The following MRTFB variants were observed in gnomAD, a reference collection of about 807,000 sequenced individuals.
MRTFB encodes the protein myocardin-related transcription factor B.
MRTFB carries 29 observed loss-of-function variants against 104.2 expected under a neutral mutation model. That is an observed-to-expected ratio of 0.28 (90% CI 0.21 to 0.38). MRTFB has a LOEUF of 0.38. Among genes scored for constraint, MRTFB ranks in the 10% least tolerant of loss-of-function variants. MRTFB has a pLI of 1.00. For synonymous variants in MRTFB, 535 were observed against 519.5 expected (o/e 1.03, Z -0.41); for missense variants, 1,270 against 1,341.6 (o/e 0.95, Z 0.83).
At chr16:14,012,361 G>C in the MRTFB span, among the ~76,000 whole-genome samples, 22,060 of 142,958 alleles carry the variant, frequency 0.15, 2,745 homozygotes, top group African/African-American at 0.35. Context: ...TGCAGTGGTG[G>C]AATCTCAGCT....
the MRTFB span, among the ~76,000 whole-genome samples, chr16:14,058,712 G>GTTTTTTTTTTTTTTTTTT: frequency 3.5e-5 from 3 of 86,846 alleles, no homozygotes; most frequent in African/African-American, 1.3e-4. Context: ...ATTTGTATTT[G>GTTTTTTTTTTTTTTTTTT]TTTTTTTTTT....
chr16:14,217,264 C>A lies in MRTFB; in HGVS notation c.491C>A (p.Ser164Tyr), dbSNP rs2041468060. 2.5e-6 allele frequency: 4 copies of A among 1,608,182 alleles called. No homozygotes were observed. Among genetic ancestry groups the A allele is most frequent in the Non-Finnish European group, 3.4e-6 (4 of 1,178,056 alleles). The change falls in exon 7 of 17, where the codon TCC becomes TAC. Residue 164 changes from serine to tyrosine, a missense_variant. Ser to Tyr is a moderately radical substitution (Grantham distance 144, BLOSUM62 -2). Coordinates refer to ENST00000571589, the MANE Select transcript of MRTFB (RefSeq NM_001308142.2). Reference sequence around the variant, plus strand: ...GAGAAAAACATCCTTCCTGTGGACTCCAGTGTTAAAGAAGCAATTATAGGC... The same window carrying A: ...GAGAAAAACATCCTTCCTGTGGACTACAGTGTTAAAGAAGCAATTATAGGC... ...LVEKNILPVDSSVKEAIIGVG... is the reference protein window; with the variant it reads ...LVEKNILPVDYSVKEAIIGVG...
At chr16:14,178,817 T>A (rs1003417663) in intron 3 of MRTFB, among the ~76,000 whole-genome samples, 1 of 152,110 alleles carries the variant, frequency 6.6e-6, no homozygotes, top group Non-Finnish European at 1.5e-5. Context: ...TGGCCCCATT[T>A]CAGCTCACTG....
rs2043774257 is a variant in MRTFB, at chr16:14,261,405, C to G, written c.3261C>G (p.Asp1087Glu). 3 of 1,611,928 alleles carry G rather than the reference C, an allele frequency of 1.9e-6. No individual in the cohort carries two copies. Among genetic ancestry groups the G allele is most frequent in the Non-Finnish European group, 2.5e-6 (3 of 1,178,420 alleles). The change falls in exon 17 of 17, where the codon GAC (aspartate) becomes GAG (glutamate). Residue 1087 changes from aspartate (D) to glutamate (E), a missense_variant. Coordinates refer to ENST00000571589, the MANE Select transcript of MRTFB (RefSeq NM_001308142.2). Reference protein sequence around the residue: ...STTAPSMFSADFLDPQDLPLP... With the variant: ...STTAPSMFSAEFLDPQDLPLP... ...CCGCGCCGAGCATGTTCTCTGCTGACTTTCTAGACCCACAGGACCTACCGC... is the reference window on the plus strand; with the variant it reads ...CCGCGCCGAGCATGTTCTCTGCTGAGTTTCTAGACCCACAGGACCTACCGC...
Position 14,257,479 on chromosome 16 carries a change from G to C in MRTFB, c.2704-622G>C, listed in dbSNP as rs563750728. On this transcript the variant is annotated intron_variant, in intron 15 of 16. Coordinates refer to ENST00000571589, the MANE Select transcript of MRTFB (RefSeq NM_001308142.2). ...CTCAGAATAATTATGCTGGGTGAAAGAAGCTAGTCCTTCCCCTACCACCAA... is the reference window on the plus strand; with the variant it reads ...CTCAGAATAATTATGCTGGGTGAAACAAGCTAGTCCTTCCCCTACCACCAA... Among the ~76,000 whole-genome samples, 39 of 152,134 alleles carry C rather than the reference G, an allele frequency of 2.6e-4. 1 individual carries two copies. The highest frequency in any genetic ancestry group is 9.2e-4 in the African/African-American group (38 of 41,496).
At position 14,089,319 on chromosome 16, in the gene MRTFB, C is replaced by G. The variant is rs536678394; in HGVS notation, c.-64+9965C>G. Among the ~76,000 whole-genome samples the G allele has an allele frequency of 2.6e-5, 4 of 152,292 alleles. No homozygotes were observed. In the South Asian group the frequency reaches 8.3e-4, roughly 32 times the overall value. ...CCACTCTCCATTCTCCCCTCTGTCT[C>G]TCTCACCTCTAGAAGCCACTCATCT... is the stretch of plus-strand genomic sequence containing the variant. On this transcript the variant is annotated intron_variant, in intron 2 of 16. Transcript: ENST00000571589.
intron 2 of MRTFB, among the ~76,000 whole-genome samples, chr16:14,106,782 G>C (rs531515420): frequency 2.6e-5 from 4 of 152,302 alleles, no homozygotes; most frequent in African/African-American, 9.6e-5. Flanking sequence ...TACCTAGTAT[G>C]AGGTCAGCAT....
At chr16:14,117,965 T>G (rs376736991) in intron 2 of MRTFB, among the ~76,000 whole-genome samples, 1 of 152,204 alleles carries the variant, frequency 6.6e-6, no homozygotes, top group Non-Finnish European at 1.5e-5. Flanking sequence ...CAGAAAAACA[T>G]AGAGAATAAT....
At chr16:14,105,268 T>C (rs1019168360) in intron 2 of MRTFB, among the ~76,000 whole-genome samples, 4 of 152,180 alleles carry the variant, frequency 2.6e-5, no homozygotes, top group Admixed American at 6.5e-5. Context: ...GAGAAGTTTC[T>C]CCTTTGTCTC....
rs2039640175 is a variant in MRTFB, at chr16:14,177,906, GTGTGTGTGTGT to G, written c.155-32336_155-32326del. Among the ~76,000 whole-genome samples the G allele has an allele frequency of 8.4e-6, 1 of 118,832 alleles. No individual in the cohort carries two copies. The highest frequency in any genetic ancestry group is 5.0e-5 in the African/African-American group (1 of 20,046). The allele number at this position is 118,832 out of a possible 152,430, so 78.0% of individuals were successfully genotyped here. A position where few individuals can be genotyped will look rare whatever the true frequency, so the allele number is the denominator to read the frequency against. ...GAAGTACATGAACCAGAGGTAGGGT[GTGTGTGTGTGT>G]GTGTGTGTGTGTGTGTGTGCACGCA... On this transcript the variant is annotated intron_variant, in intron 3 of 16. Coordinates refer to ENST00000571589, the MANE Select transcript of MRTFB (RefSeq NM_001308142.2). This position sits in a 1 kb window ranked among gnomAD's most constrained non-coding sequence, Gnocchi z 4.7.
intron 2 of MRTFB, among the ~76,000 whole-genome samples, chr16:14,114,733 C>T (rs1336425562): frequency 6.6e-6 from 1 of 152,144 alleles, no homozygotes; most frequent in Non-Finnish European, 1.5e-5. Context: ...TCAGGGACGT[C>T]TTTGTAGATT....
At chr16:14,064,209 G>A in the MRTFB span, among the ~76,000 whole-genome samples, 15 of 152,004 alleles carry the variant, frequency 9.9e-5, no homozygotes, top group African/African-American at 2.7e-4. Flanking sequence ...GTTTTGATTC[G>A]CATTTTTCTG....
chr16:14,071,237 G>C (rs904723648), upstream of MRTFB: 1 of 153,222 alleles, frequency 6.5e-6, no homozygotes, highest in Admixed American at 6.5e-5. Flanking sequence ...CAGCGTCCGG[G>C]GAGCGCGCCG....
chr16:14,084,983 T>C (rs2034612832), intron 2 of MRTFB, among the ~76,000 whole-genome samples: 1 of 152,082 alleles, frequency 6.6e-6, no homozygotes, highest in African/African-American at 2.4e-5. Flanking sequence ...ACAAAAAATA[T>C]TTAAAATTAA....
intron 3 of MRTFB, among the ~76,000 whole-genome samples, chr16:14,175,857 A>G (rs2039564810): frequency 6.6e-6 from 1 of 152,304 alleles, no homozygotes; most frequent in Middle Eastern, 3.4e-3. Flanking sequence ...AAGAATTTAG[A>G]CTCAAAAGAC....
intron 2 of MRTFB, among the ~76,000 whole-genome samples, chr16:14,114,766 C>T (rs1019152936): frequency 6.6e-6 from 1 of 152,108 alleles, no homozygotes; most frequent in African/African-American, 2.4e-5. Context: ...ATTGGGTCCC[C>T]GCTGCTGTGT....
chr16:14,072,572 C>T (rs1216856514), intron 1 of MRTFB, among the ~76,000 whole-genome samples: 1 of 152,160 alleles, frequency 6.6e-6, no homozygotes, highest in Non-Finnish European at 1.5e-5. Flanking sequence ...GTAGTCTCAG[C>T]TGCTTGGGAG....
At chr16:14,045,858 T>C in the MRTFB span, among the ~76,000 whole-genome samples, 4 of 152,224 alleles carry the variant, frequency 2.6e-5, no homozygotes, top group Non-Finnish European at 4.4e-5. Flanking sequence ...AGTGAGGTTT[T>C]TTTTGTGAAA....
chr16:14,046,500 C>T, the MRTFB span, among the ~76,000 whole-genome samples: 1 of 152,164 alleles, frequency 6.6e-6, no homozygotes, highest in South Asian at 2.1e-4. Flanking sequence ...CTTCTTCCCA[C>T]GGTGCACAAC....
Sources: gnomAD v4.1 joint callset for allele counts (sites outside exome capture counted in the v4.1 genomes callset) on GRCh38, gnomAD v4.1.1 for gene constraint, Gnocchi (gnomAD v3.1) non-coding constraint, MANE v1.5 for transcripts, NCBI Gene and HGNC (gene_info 2026-07-23, HGNC 2026-07-21) for gene names.